KDM4C: variants seen among roughly 807,000 people sequenced by gnomAD.
The protein encoded by KDM4C is lysine-specific demethylase 4C.
A neutral mutation model predicts 129.3 loss-of-function variants in KDM4C; 81 were observed. The observed-to-expected ratio is 0.63, with a 90% confidence interval of 0.52 to 0.75. The LOEUF (loss-of-function observed/expected upper bound fraction) is 0.75, where lower values mean the gene tolerates loss of function less well. Ranked by LOEUF, KDM4C falls within the 30% of genes least tolerant of loss-of-function variation. KDM4C has a pLI of 0.00. For missense variants in KDM4C, 1,457 were observed against 1,304.0 expected, an observed-to-expected ratio of 1.12 and a Z score of -1.81; for synonymous variants, 573 against 456.1, an observed-to-expected ratio of 1.26 and a Z score of -3.26.
At chr9:6,757,663 C>T, upstream of KDM4C, 1 of 985,534 alleles carries the variant, frequency 1.0e-6, no homozygotes, top group Non-Finnish European at 1.2e-6. Flanking sequence ...CGTCGGCGCC[C>T]AGGAGGACGT....
intron 17 of KDM4C, among the ~76,000 whole-genome samples, chr9:7,060,970 TTGTC>T (rs1236238450): frequency 6.6e-6 from 1 of 152,210 alleles, no homozygotes; most frequent in East Asian, 1.9e-4. Context: ...TCAACCATCT[TTGTC>T]TGTCTGTATC....
chr9:6,940,126 C>G (rs1266336467), intron 8 of KDM4C, among the ~76,000 whole-genome samples: 2 of 151,808 alleles, frequency 1.3e-5, no homozygotes. Context: ...GGGTCCCACT[C>G]TGTCACCCAG....
intron 8 of KDM4C, among the ~76,000 whole-genome samples, chr9:6,968,440 T>C (rs1430982752): frequency 1.3e-5 from 2 of 152,230 alleles, no homozygotes; most frequent in Non-Finnish European, 2.9e-5. Context: ...CAGCCTCTGT[T>C]GTAGGAACTT....
intron 17 of KDM4C, among the ~76,000 whole-genome samples, chr9:7,053,061 A>C (rs929108733): frequency 6.6e-6 from 1 of 152,236 alleles, no homozygotes; most frequent in African/African-American, 2.4e-5. Context: ...TTTCTGAATA[A>C]GTAATAAACA....
At chr9:6,979,024 T>A (rs1816287958) in intron 8 of KDM4C, among the ~76,000 whole-genome samples, 1 of 152,170 alleles carries the variant, frequency 6.6e-6, no homozygotes, top group African/African-American at 2.4e-5. Context: ...ATGTTGCAAT[T>A]GTAATCATGA....
chr9:7,171,041 C>T (rs79109558), intron 21 of KDM4C: 4,249 of 152,422 alleles, frequency 0.028, 118 homozygotes, highest in East Asian at 0.14. Context: ...GGGTTGGACA[C>T]GCTTGCCTTA....
intron 8 of KDM4C, among the ~76,000 whole-genome samples, chr9:6,910,863 G>T (rs1175096376): frequency 1.3e-5 from 2 of 152,210 alleles, no homozygotes; most frequent in African/African-American, 4.8e-5. Flanking sequence ...ATCCAGTCAT[G>T]ATATGCTAAT....
intron 17 of KDM4C, among the ~76,000 whole-genome samples, chr9:7,060,732 G>T (rs112519340): frequency 0.022 from 3,340 of 152,014 alleles, 48 homozygotes; most frequent in South Asian, 0.064. Flanking sequence ...CGCCTGCCTC[G>T]GCCTCCCAAA....
intron 12 of KDM4C, 56 bp from the exon 13 acceptor site, chr9:7,011,642 G>T (rs1378861339): frequency 4.8e-6 from 7 of 1,462,084 alleles, no homozygotes; most frequent in South Asian, 2.3e-5. Context: ...TGTACTCAGG[G>T]TGATTGTTTT....
At chr9:7,080,752 C>T (rs549892921) in intron 17 of KDM4C, among the ~76,000 whole-genome samples, 12 of 152,308 alleles carry the variant, frequency 7.9e-5, no homozygotes, top group African/African-American at 2.9e-4. Flanking sequence ...GAAATAATGT[C>T]CTTTTGCATC....
chr9:6,989,672 G>A (rs1016033964), intron 11 of KDM4C, among the ~76,000 whole-genome samples: 1 of 141,710 alleles, frequency 7.1e-6, no homozygotes, highest in South Asian at 2.1e-4. Context: ...TGTCTTCTCT[G>A]TGAGGATAGA....
intron 1 of KDM4C, among the ~76,000 whole-genome samples, chr9:6,745,260 T>G (rs976568212): frequency 1.3e-4 from 20 of 152,096 alleles, no homozygotes; most frequent in Non-Finnish European, 2.8e-4. Context: ...TGTTGAAAAT[T>G]GTCTTCATGG....
intron 19 of KDM4C, among the ~76,000 whole-genome samples, chr9:7,134,932 C>T (rs933111976): frequency 6.6e-5 from 10 of 152,184 alleles, no homozygotes; most frequent in Admixed American, 3.3e-4. Context: ...TTACAAGTTT[C>T]GTGAACTGTC....
intron 17 of KDM4C, among the ~76,000 whole-genome samples, chr9:7,093,397 A>T (rs1318715824): frequency 1.3e-5 from 2 of 152,218 alleles, no homozygotes; most frequent in Admixed American, 1.3e-4. Flanking sequence ...TAACAACACG[A>T]AAAAAGAAAA....
At chr9:6,992,375 A>C (rs1188841553) in intron 12 of KDM4C, among the ~76,000 whole-genome samples, 2 of 152,328 alleles carry the variant, frequency 1.3e-5, no homozygotes, top group African/African-American at 4.8e-5. Flanking sequence ...AAGTCGTCTC[A>C]AGGGTTTGAG....
intron 8 of KDM4C, 135 bp from the exon 9 acceptor site, chr9:6,980,790 A>G (rs1816637900): frequency 2.9e-6 from 2 of 681,584 alleles, no homozygotes; most frequent in African/African-American, 3.7e-5. Flanking sequence ...CACCCATTGA[A>G]TGTTTGATAA....
intron 15 of KDM4C, among the ~76,000 whole-genome samples, chr9:7,031,945 T>C (rs1826854883): frequency 6.6e-6 from 1 of 152,226 alleles, no homozygotes; most frequent in African/African-American, 2.4e-5. Flanking sequence ...AAGTGACTTG[T>C]TGAAAAATAT....
At chr9:6,892,969 C>G in intron 7 of KDM4C, 126 bp from the exon 8 acceptor site, 1 of 629,462 alleles carries the variant, frequency 1.6e-6, no homozygotes, top group Middle Eastern at 4.4e-4. Flanking sequence ...TGGTGGAACT[C>G]TTTTTGGTAG....
At chr9:7,026,137 G>A (rs1015368987) in intron 15 of KDM4C, among the ~76,000 whole-genome samples, 2 of 151,512 alleles carry the variant, frequency 1.3e-5, no homozygotes, top group Non-Finnish European at 2.9e-5. Flanking sequence ...CCCGGGAGAC[G>A]AAGGTTGCAG....
Sources: allele counts gnomAD v4.1 joint callset (sites outside exome capture counted in the v4.1 genomes callset), GRCh38; gene constraint gnomAD v4.1.1; transcripts MANE v1.5; gene names NCBI Gene and HGNC (gene_info 2026-07-23, HGNC 2026-07-21).